Variants in CDH13 observed in about 807,000 individuals in gnomAD.
The protein encoded by CDH13 is cadherin 13, also known as cadherin-13.
Under a neutral mutation model 63.8 loss-of-function variants are expected in CDH13, and 24 were observed. The ratio of observed to expected loss-of-function variants is 0.38; its 90% confidence interval spans 0.27 to 0.53. The LOEUF is 0.53. Among genes scored for constraint, CDH13 ranks in the 20% least tolerant of loss-of-function variants. The pLI, the probability that CDH13 is intolerant of heterozygous loss-of-function variation, is 0.85. For missense variants in CDH13, 1,049 were observed against 903.1 expected (o/e 1.16, Z -2.07); for synonymous variants, 503 against 355.3 (o/e 1.42, Z -4.67).
chr16:82,971,557 C>T (rs1908747845), intron 2 of CDH13, among the ~76,000 whole-genome samples: 1 of 152,224 alleles, frequency 6.6e-6, no homozygotes, highest in African/African-American at 2.4e-5. Flanking sequence ...TGGCTACAAA[C>T]TCTGGACATC....
intron 1 of CDH13, among the ~76,000 whole-genome samples, chr16:82,803,213 G>A (rs1038439543): frequency 1.3e-5 from 2 of 152,214 alleles, no homozygotes; most frequent in Non-Finnish European, 2.9e-5. Flanking sequence ...AAGATGTGTA[G>A]TCCATGGTGC....
intron 1 of CDH13, among the ~76,000 whole-genome samples, chr16:82,797,881 A>G (rs573465936): frequency 6.6e-6 from 1 of 151,788 alleles, no homozygotes; most frequent in African/African-American, 2.4e-5. Flanking sequence ...ATAAGACAGA[A>G]AGACACCACA....
chr16:82,963,149 T>C (rs924882505), intron 2 of CDH13, among the ~76,000 whole-genome samples: 1 of 151,270 alleles, frequency 6.6e-6, no homozygotes, highest in African/African-American at 2.4e-5. Context: ...GGCGGGCAGA[T>C]CACCTGAGGT....
At chr16:82,772,915 C>A (rs1353279538) in intron 1 of CDH13, among the ~76,000 whole-genome samples, 2 of 152,124 alleles carry the variant, frequency 1.3e-5, no homozygotes, top group African/African-American at 4.8e-5. Context: ...GCTTCAGTGG[C>A]CATCAGGATG....
intron 6 of CDH13, among the ~76,000 whole-genome samples, chr16:83,362,449 A>G (rs990417621): frequency 1.3e-5 from 2 of 152,230 alleles, no homozygotes; most frequent in Admixed American, 1.3e-4. Context: ...GCCCTAGGCA[A>G]TTAGGTGCCA....
chr16:83,109,380 C>G lies in CDH13; in HGVS notation c.367-16005C>G, dbSNP rs150113502. Among the ~76,000 whole-genome samples the G allele has an allele frequency of 1.6e-3, 241 of 152,222 alleles. 2 individuals carry two copies. The highest frequency in any genetic ancestry group is 5.4e-3 in the African/African-American group (225 of 41,522). ...AAAAGGGATGCAGGAAACCCCATGG[C>G]TTTGGAAGGAGTAAGTGGGAAGGGC... On this transcript the variant is annotated intron_variant, in intron 3 of 13. Coordinates refer to ENST00000567109, the MANE Select transcript of CDH13 (RefSeq NM_001257.5).
intron 2 of CDH13, among the ~76,000 whole-genome samples, chr16:83,025,256 C>A (rs778605993): frequency 6.6e-6 from 1 of 151,996 alleles, no homozygotes; most frequent in Admixed American, 6.6e-5. Context: ...ATAAAGATGT[C>A]GAGGATTAAA....
At chr16:82,935,274 C>A (rs2042631986) in intron 2 of CDH13, among the ~76,000 whole-genome samples, 1 of 152,136 alleles carries the variant, frequency 6.6e-6, no homozygotes, top group African/African-American at 2.4e-5. Flanking sequence ...CATGAGAACT[C>A]ACTCACTATC....
chr16:82,634,545 C>G (rs991166085), intron 1 of CDH13, among the ~76,000 whole-genome samples: 1 of 152,208 alleles, frequency 6.6e-6, no homozygotes, highest in Admixed American at 6.5e-5. Context: ...GAGCCAATTT[C>G]TCCCTGCAGT....
chr16:82,733,878 G>T (rs1157289895), intron 1 of CDH13, among the ~76,000 whole-genome samples: 1 of 152,222 alleles, frequency 6.6e-6, no homozygotes, highest in Non-Finnish European at 1.5e-5. Flanking sequence ...TAAGTACATA[G>T]CACCTATCAT....
At chr16:82,803,997 A>G (rs1162589297) in intron 1 of CDH13, among the ~76,000 whole-genome samples, 1 of 152,168 alleles carries the variant, frequency 6.6e-6, no homozygotes, top group East Asian at 1.9e-4. Flanking sequence ...TGGGAGGCTG[A>G]GGTGGGCAGA....
At chr16:82,944,711 T>C (rs1170235778) in intron 2 of CDH13, among the ~76,000 whole-genome samples, 1 of 152,134 alleles carries the variant, frequency 6.6e-6, no homozygotes, top group African/African-American at 2.4e-5. Flanking sequence ...ACTGCTCCCT[T>C]CTAAAACAAC....
intron 2 of CDH13, among the ~76,000 whole-genome samples, chr16:82,929,975 T>G (rs2042434137): frequency 6.6e-6 from 1 of 150,588 alleles, no homozygotes; most frequent in Non-Finnish European, 1.5e-5. Context: ...CCCCATGCCC[T>G]CTCAGTCATA....
intron 2 of CDH13, among the ~76,000 whole-genome samples, chr16:82,915,843 G>T (rs1304074616): frequency 6.7e-6 from 1 of 148,756 alleles, no homozygotes; most frequent in Non-Finnish European, 1.5e-5. Flanking sequence ...TGCATTTTTT[G>T]GCATACTAGA....
intron 3 of CDH13, among the ~76,000 whole-genome samples, chr16:83,089,533 C>A (rs1171448643): frequency 6.6e-6 from 1 of 152,214 alleles, no homozygotes; most frequent in Non-Finnish European, 1.5e-5. Context: ...CCAGTGGGAC[C>A]AGACAGGAGT....
At chr16:83,155,119 G>A (rs2037153641) in intron 4 of CDH13, among the ~76,000 whole-genome samples, 1 of 152,220 alleles carries the variant, frequency 6.6e-6, no homozygotes, top group African/African-American at 2.4e-5. Context: ...ATTAGAGAAT[G>A]TTAATTTCAA....
intron 2 of CDH13, among the ~76,000 whole-genome samples, chr16:82,927,267 C>A (rs1449023667): frequency 6.6e-6 from 1 of 152,028 alleles, no homozygotes; most frequent in Non-Finnish European, 1.5e-5. Context: ...CATAGATTCC[C>A]CTGAGGTCAA....
At chr16:83,536,358 A>G (rs1008304563) in intron 7 of CDH13, among the ~76,000 whole-genome samples, 1 of 152,194 alleles carries the variant, frequency 6.6e-6, no homozygotes, top group Non-Finnish European at 1.5e-5. Flanking sequence ...TGACCACGGT[A>G]GTCATGGAAG....
chr16:83,292,558 A>C (rs2089490467), intron 5 of CDH13, among the ~76,000 whole-genome samples: 1 of 152,132 alleles, frequency 6.6e-6, no homozygotes, highest in African/African-American at 2.4e-5. Flanking sequence ...TTCTGTTTTG[A>C]ACAGGTCTTT....
Sources: gnomAD v4.1 joint callset for allele counts (sites outside exome capture counted in the v4.1 genomes callset) on GRCh38, gnomAD v4.1.1 for gene constraint, MANE v1.5 for transcripts, NCBI Gene and HGNC (gene_info 2026-07-23, HGNC 2026-07-21) for gene names.